The following FTSJ3 variants were observed in gnomAD, a reference collection of about 807,000 sequenced individuals.
The protein encoded by FTSJ3 is FtsJ RNA 2'-O-methyltransferase 3.
FTSJ3 carries 46 observed loss-of-function variants against 111.5 expected under a neutral mutation model. The observed-to-expected ratio is 0.41, with a 90% CI of 0.33 to 0.53. The LOEUF (loss-of-function observed/expected upper bound fraction) is 0.53. Ranked by LOEUF, FTSJ3 falls within the 20% of genes least tolerant of loss-of-function variation. The pLI is 0.19. For synonymous variants in FTSJ3, 408 were observed against 383.0 expected (o/e 1.07, Z -0.76); for missense variants, 1,075 against 1,063.8 (o/e 1.01, Z -0.15).
Position 63,820,819 on chromosome 17 carries a change from T to G in FTSJ3, c.2072+20A>C. On this transcript the variant is annotated intron_variant, in intron 18 of 20. Transcript: ENST00000427159. ...CCACCAGACCCTGGGTCACTCTTGA[T>G]GAGTTTATGGCCCCTTTACCGGTTG... The G allele has an allele frequency of 2.4e-4, 369 of 1,569,452 alleles. No individual in the cohort carries two copies. The highest frequency in any genetic ancestry group is 3.0e-4 in the Non-Finnish European group (341 of 1,139,830).
chr17:63,823,607 A>AC, intron 13 of FTSJ3: 1 of 546,902 alleles, frequency 1.8e-6, no homozygotes, highest in Non-Finnish European at 3.2e-6. Context: ...AAAAAAAAAA[A>AC]ATAAATCTAT....
In FTSJ3 at chr17:63,825,150, A is replaced by G. The variant is rs1598350829; in HGVS notation, c.609T>C (p.Pro203=). The G allele has an allele frequency of 6.2e-7, 1 of 1,614,210 alleles. No homozygotes were observed. Among genetic ancestry groups the G allele is most frequent in the African/African-American group, 1.3e-5 (1 of 75,062 alleles). Reference sequence around the variant, plus strand: ...CAAAGAATTTACTGTCAACCTTGTCAGGGGCCAGGAATCCTAAAAATGACA... The same window carrying G: ...CAAAGAATTTACTGTCAACCTTGTCGGGGGCCAGGAATCCTAAAAATGACA... ...IFVVCQGFLA[P]DKVDSKFFDP... is the part of the protein sequence containing the mutation. The change falls in exon 8 of 21, where the codon CCT becomes CCC. Residue 203 remains proline, a synonymous_variant. Transcript: ENST00000427159.
In FTSJ3 at chr17:63,825,441, A is replaced by G. The variant is rs1567754187; in HGVS notation, c.401-5T>C. 1.2e-6 allele frequency: 2 copies of G among 1,614,060 alleles called. No homozygotes were observed. Among genetic ancestry groups the G allele is most frequent in the African/African-American group, 1.3e-5 (1 of 74,946 alleles). Reference sequence around the variant, plus strand: ...GAGCCATCAGTGTCAAATGGGCTGTAGGATAGAGACAATTAGTTGACGCAC... The same window carrying G: ...GAGCCATCAGTGTCAAATGGGCTGTGGGATAGAGACAATTAGTTGACGCAC... On this transcript the variant is annotated splice_polypyrimidine_tract_variant and splice_region_variant and intron_variant, in intron 6 of 20. Coordinates refer to ENST00000427159, the MANE Select transcript of FTSJ3 (RefSeq NM_017647.4).
In FTSJ3 at chr17:63,827,534, G is replaced by C. The variant is rs76411035; in HGVS notation, c.-509C>G. ...GAGCAGGTATGGCGGGTGCAGTGGC[G>C]GCCCGGCAGGTTACGGGGCTGGGTG... On this transcript the variant is annotated 5_prime_UTR_variant, in exon 1 of 21. Coordinates refer to ENST00000427159, the MANE Select transcript of FTSJ3 (RefSeq NM_017647.4). 1.3e-6 allele frequency: 2 copies of C among 1,551,398 alleles called. No homozygotes were observed. The highest frequency in any genetic ancestry group is 2.7e-5 in the African/African-American group (2 of 72,982).
rs760310315 is a variant in FTSJ3, at chr17:63,827,179, T to C, written c.-154A>G. ...CGCCATTTTGAGTGTGGCCCTAGAT[T>C]GTTCTCAATACTCTGTCCTTGGGTT... On this transcript the variant is annotated 5_prime_UTR_variant, in exon 1 of 21. Transcript: ENST00000427159. The C allele has an allele frequency of 9.9e-6, 6 of 605,746 alleles. No homozygotes were observed. The highest frequency in any genetic ancestry group is 3.7e-5 in the African/African-American group (2 of 53,918). The allele number at this position is 605,746 out of a possible 1,614,324, so 37.5% of individuals were successfully genotyped here.
At chr17:63,821,149 C>T (rs1181499118) in intron 16 of FTSJ3, 34 bp from the exon 17 acceptor site, 3 of 1,603,628 alleles carry the variant, frequency 1.9e-6, no homozygotes, top group African/African-American at 1.3e-5. Flanking sequence ...GTGATTCCAC[C>T]ACTCTGTACT....
Position 63,821,134 on chromosome 17 carries a change from TCTGAGTGATTCCA to T in FTSJ3, c.1887-32_1887-20del. 3 of 1,611,712 alleles carry T rather than the reference TCTGAGTGATTCCA, an allele frequency of 1.9e-6. No homozygotes were observed. The highest frequency in any genetic ancestry group is 2.5e-6 in the Non-Finnish European group (3 of 1,178,048). ...TTCCCAGCTGTGAAGAGGGGAGGAC[TCTGAGTGATTCCA>T]CCACTCTGTACTACTCAGACCGCAC... is the stretch of plus-strand genomic sequence containing the variant. On this transcript the variant is annotated intron_variant, in intron 16 of 20. Transcript: ENST00000427159.
At chr17:63,822,232 TC>T in intron 13 of FTSJ3, 64 bp from the exon 14 acceptor site, 1 of 1,375,426 alleles carries the variant, frequency 7.3e-7, no homozygotes. Context: ...TTTTTCTGTG[TC>T]CCTCACCTCA....
rs1378067848 is a variant in FTSJ3 at position 63,826,920 on chromosome 17, T to A, written c.-18A>T. On this transcript the variant is annotated 5_prime_UTR_variant, in exon 2 of 21. Coordinates refer to ENST00000427159, the MANE Select transcript of FTSJ3 (RefSeq NM_017647.4). ...TTGCCCATGGTGGAAAGGGGGAGTA[T>A]CCCTCAATCTGGGGAGAAAGTAGAA... The A allele has an allele frequency of 6.2e-7, 1 of 1,606,738 alleles. No homozygotes were observed. Among genetic ancestry groups the A allele is most frequent in the African/African-American group, 1.3e-5 (1 of 74,722 alleles).
In FTSJ3 at chr17:63,820,824, T is replaced by G; in HGVS notation, c.2072+15A>C. The G allele has an allele frequency of 6.3e-7, 1 of 1,593,966 alleles. No individual in the cohort carries two copies. The highest frequency in any genetic ancestry group is 1.1e-5 in the South Asian group (1 of 90,692). On this transcript the variant is annotated intron_variant, in intron 18 of 20. Transcript: ENST00000427159. ...AGACCCTGGGTCACTCTTGATGAGT[T>G]TATGGCCCCTTTACCGGTTGAAGGA...
At chr17:63,823,645 C>T (rs1317987606) in intron 13 of FTSJ3, 172 bp downstream of exon 13, 1 of 683,556 alleles carries the variant, frequency 1.5e-6, no homozygotes, top group African/African-American at 1.8e-5. Flanking sequence ...CTAACTCATC[C>T]TTTTTGGTTT....
In FTSJ3 at chr17:63,820,160, A is replaced by G. The variant is rs1482843115; in HGVS notation, c.2270T>C (p.Leu757Pro). 5 of 1,613,944 alleles carry G rather than the reference A, an allele frequency of 3.1e-6. No individual in the cohort carries two copies. Among genetic ancestry groups the G allele is most frequent in the Non-Finnish European group, 4.2e-6 (5 of 1,180,026 alleles). The change falls in exon 20 of 21, where the codon CTG (leucine) becomes CCG (proline). Residue 757 changes from leucine to proline, a missense_variant. Physicochemically the swap from Leu to Pro is moderately conservative, Grantham distance 98. This residue lies in a region of FTSJ3 where 867 missense variants were observed against 796.9 expected (regional missense o/e 1.09). Transcript: ENST00000427159. The stretch of plus-strand genomic sequence containing the variant: ...TTCTGCCTTCTTCCTGGTCTGCTCC[A>G]GCCTCTTCAGCATCTGCAAAGGAAC... ...ARKKRRMLKRLEQTRKKAEAV... is the reference protein window; with the variant it reads ...ARKKRRMLKRPEQTRKKAEAV...
Position 63,824,340 on chromosome 17 carries a change from A to G in FTSJ3, c.989T>C (p.Leu330Pro). The G allele has an allele frequency of 6.2e-7, 1 of 1,614,168 alleles. No individual in the cohort carries two copies. The highest frequency in any genetic ancestry group is 1.6e-4 in the Middle Eastern group (1 of 6,062). Residue 330 changes from leucine (L) to proline (P), a missense_variant, in exon 11 of 21, where the codon CTG becomes CCG. Transcript: ENST00000427159. ...AKKLKEQAKA[L>P]DISLSSGEED... ...TGCGTTCTCTCCTCACCTGATGTCC[A>G]GTGCCTTTGCTTGTTCTTTCAGCTT...
intron 13 of FTSJ3, chr17:63,823,534 G>A: frequency 3.4e-6 from 1 of 291,876 alleles, no homozygotes; most frequent in Non-Finnish European, 6.4e-6. Context: ...GGTGGAGCTT[G>A]CAGTGGGCCG....
Position 63,827,600 on chromosome 17 carries a change from G to T in FTSJ3, c.-575C>A. The T allele has an allele frequency of 1.3e-6, 2 of 1,550,192 alleles. No individual in the cohort carries two copies. Among genetic ancestry groups the T allele is most frequent in the South Asian group, 1.2e-5 (1 of 83,982 alleles). On this transcript the variant is annotated 5_prime_UTR_variant, in exon 1 of 21. Coordinates refer to ENST00000427159, the MANE Select transcript of FTSJ3 (RefSeq NM_017647.4). Reference sequence around the variant, plus strand: ...CTGAGTGGAGAGCGGGCCGGGGCAGGAGCGTCGGGTGGGTCGGAGGTGCCT... The same window carrying T: ...CTGAGTGGAGAGCGGGCCGGGGCAGTAGCGTCGGGTGGGTCGGAGGTGCCT...
rs543755416 is a variant in FTSJ3 at position 63,820,725 on chromosome 17, G to A, written c.2072+114C>T. The A allele has an allele frequency of 9.9e-5, 71 of 720,160 alleles. No homozygotes were observed. The East Asian group carries it at 1.5e-3, about 15-fold the overall frequency. The allele number at this position is 720,160 out of a possible 1,614,324, so 44.6% of individuals were successfully genotyped here. A position where few individuals can be genotyped will look rare whatever the true frequency, so the allele number is the denominator to read the frequency against. ...AATCAGGCTGCAGTGAGCCAAGATC[G>A]TGCCATTGCACTCCAGCCTGGGCAA... On this transcript the variant is annotated intron_variant, in intron 18 of 20. Coordinates refer to ENST00000427159, the MANE Select transcript of FTSJ3 (RefSeq NM_017647.4).
rs769071697 is a variant in FTSJ3 at position 63,819,762 on chromosome 17, T to G, written c.*40A>C. On this transcript the variant is annotated 3_prime_UTR_variant, in exon 21 of 21. Coordinates refer to ENST00000427159, the MANE Select transcript of FTSJ3 (RefSeq NM_017647.4). ...AGACTGAGCCATGCCACACCCTTCC[T>G]CCTAGTCCCCATGCTCTCCTGGGAG... 1.9e-6 allele frequency: 3 copies of G among 1,571,782 alleles called. No homozygotes were observed. The Admixed American group carries it at 5.3e-5, about 28-fold the overall frequency.
intron 13 of FTSJ3, 62 bp downstream of exon 13, chr17:63,823,755 A>AC: frequency 6.4e-7 from 1 of 1,566,166 alleles, no homozygotes; most frequent in Non-Finnish European, 8.7e-7. Context: ...AACACCCCCC[A>AC]CCTCCAAACA....
At position 63,825,350 on chromosome 17, in the gene FTSJ3, C is replaced by T. The variant is rs746355517; in HGVS notation, c.487G>A (p.Asp163Asn). 6.2e-7 allele frequency: 1 copy of T among 1,614,170 alleles called. No homozygotes were observed. Residue 163 changes from aspartate to asparagine, a missense_variant, in exon 7 of 21, where the codon GAC (aspartate) becomes AAC (asparagine). By Grantham distance (23) the Asp-to-Asn change is conservative (BLOSUM62 1). Coordinates refer to ENST00000427159, the MANE Select transcript of FTSJ3 (RefSeq NM_017647.4). ...AAGATCCATAGCAGAGGCTGATAGT[C>T]ACGAGAACGGAAAACCTTTGTGATG... is the stretch of plus-strand genomic sequence containing the variant. Reference protein sequence around the residue: ...SFITKVFRSRDYQPLLWIFQQ... With the variant: ...SFITKVFRSRNYQPLLWIFQQ...
Sources: allele counts gnomAD v4.1 joint callset, GRCh38; gene constraint gnomAD v4.1.1; regional missense constraint gnomAD v4.1.1; transcripts MANE v1.5; gene names NCBI Gene and HGNC (gene_info 2026-07-23, HGNC 2026-07-21).